The following CADM2 variants were observed in gnomAD, a reference collection of about 807,000 sequenced individuals.
CADM2 encodes cell adhesion molecule 2, also known as immunoglobulin superfamily member 4D.
In CADM2, 12 loss-of-function variants were observed where a neutral mutation model predicts 49.8. The observed-to-expected ratio is 0.24, with a 90% CI of 0.15 to 0.39. The LOEUF (loss-of-function observed/expected upper bound fraction) is 0.39. Ranked by LOEUF, CADM2 falls within the 10% of genes least tolerant of loss-of-function variation. The probability of loss-of-function intolerance (pLI) is 1.00; values close to 1 mark genes in which losing one functional copy is unlikely to be tolerated. For synonymous variants in CADM2, 214 were observed against 175.4 expected (o/e 1.22, Z -1.74); for missense variants, 378 against 492.3 (o/e 0.77, Z 2.20).
chr3:85,267,167 C>A (rs1333735477), intron 1 of CADM2, among the ~76,000 whole-genome samples: 1 of 151,626 alleles, frequency 6.6e-6, no homozygotes, highest in Non-Finnish European at 1.5e-5. Flanking sequence ...ACTCATTTCT[C>A]TACATAGTAG....
intron 1 of CADM2, among the ~76,000 whole-genome samples, chr3:85,021,637 T>C (rs750110024): frequency 8.6e-5 from 13 of 151,778 alleles, no homozygotes; most frequent in Non-Finnish European, 1.6e-4. Context: ...TAGCCAGGCG[T>C]GGTGGTGGGT....
rs917845688 is a variant in CADM2, at chr3:86,043,969, C to T, written c.971-21636C>T. Among the ~76,000 whole-genome samples, 3 of 151,954 alleles carry T rather than the reference C, an allele frequency of 2.0e-5. No homozygotes were observed. In the South Asian group the frequency reaches 6.2e-4, roughly 32 times the overall value. On this transcript the variant is annotated intron_variant, in intron 8 of 9. Coordinates refer to ENST00000383699, the MANE Select transcript of CADM2 (RefSeq NM_001167675.2). ...AAAACAAGAAATGGGGAAACGGTTCCCTATTTAATAAATGGTGCTGGGAAA... is the reference window on the plus strand; with the variant it reads ...AAAACAAGAAATGGGGAAACGGTTCTCTATTTAATAAATGGTGCTGGGAAA...
intron 2 of CADM2, among the ~76,000 whole-genome samples, chr3:85,785,624 C>A (rs1320424536): frequency 6.6e-6 from 1 of 151,976 alleles, no homozygotes; most frequent in African/African-American, 2.4e-5. Context: ...AGAATGTCAC[C>A]AGCTAGCAGA....
At chr3:85,008,197 C>A (rs1559613979) in intron 1 of CADM2, among the ~76,000 whole-genome samples, 1 of 152,076 alleles carries the variant, frequency 6.6e-6, no homozygotes, top group Non-Finnish European at 1.5e-5. Flanking sequence ...GAGAGGACCT[C>A]GTAATCTATT....
In CADM2 at chr3:86,068,852, C is replaced by A. The variant is rs1287409774; in HGVS notation, c.*2069C>A. 2 of 152,258 alleles carry A rather than the reference C, an allele frequency of 1.3e-5. No homozygotes were observed. Among genetic ancestry groups the A allele is most frequent in the East Asian group, 1.9e-4 (1 of 5,178 alleles). 9.4% of individuals were successfully genotyped at this position (152,258 alleles called of 1,614,324 possible). On this transcript the variant is annotated 3_prime_UTR_variant, in exon 10 of 10. Coordinates refer to ENST00000383699, the MANE Select transcript of CADM2 (RefSeq NM_001167675.2). ...GCTTGTTTTTACAGTTCACTCCATA[C>A]CATCTGTGGAAAAATGCAATAATAT... is the stretch of plus-strand genomic sequence containing the variant.
intron 1 of CADM2, among the ~76,000 whole-genome samples, chr3:85,022,360 C>A (rs997718307): frequency 6.6e-6 from 1 of 152,126 alleles, no homozygotes; most frequent in African/African-American, 2.4e-5. Flanking sequence ...ATAGAATATT[C>A]TTGATTTATG....
intron 1 of CADM2, among the ~76,000 whole-genome samples, chr3:85,200,411 G>T (rs562524907): frequency 1.3e-5 from 2 of 152,154 alleles, no homozygotes; most frequent in East Asian, 3.9e-4. Flanking sequence ...AACAGTTGGA[G>T]TTCTCAGTTT....
intron 1 of CADM2, among the ~76,000 whole-genome samples, chr3:85,452,564 C>T (rs893764193): frequency 6.6e-6 from 1 of 151,848 alleles, no homozygotes; most frequent in East Asian, 1.9e-4. Flanking sequence ...GCAATTAAAA[C>T]AACAACAACA....
chr3:85,365,823 G>A (rs2107298292), intron 1 of CADM2, among the ~76,000 whole-genome samples: 1 of 152,230 alleles, frequency 6.6e-6, no homozygotes, highest in South Asian at 2.1e-4. Flanking sequence ...TCAGGAAGAT[G>A]AACATTCCTA....
chr3:85,823,952 C>T (rs2073757740), intron 3 of CADM2, among the ~76,000 whole-genome samples: 1 of 151,938 alleles, frequency 6.6e-6, no homozygotes, highest in Non-Finnish European at 1.5e-5. Context: ...AGAGAAAAAA[C>T]AAAACAAAAC....
At chr3:85,476,979 T>C (rs2039002082) in intron 1 of CADM2, among the ~76,000 whole-genome samples, 1 of 140,970 alleles carries the variant, frequency 7.1e-6, no homozygotes, top group Non-Finnish European at 1.6e-5. Context: ...CATCTCTCTA[T>C]TGCAGCATTC....
At position 86,070,281 on chromosome 3, in the gene CADM2, G is replaced by A. The variant is rs1739743173; in HGVS notation, c.*3498G>A. The A allele has an allele frequency of 6.6e-6, 1 of 151,884 alleles. No homozygotes were observed. Among genetic ancestry groups the A allele is most frequent in the Non-Finnish European group, 1.5e-5 (1 of 67,870 alleles). 9.4% of individuals were successfully genotyped at this position (151,884 alleles called of 1,614,324 possible). ...AAAGTACAGGCTCATTTGTAATTAT[G>A]TACTCATGATTGTAACAGCATTGAG... On this transcript the variant is annotated 3_prime_UTR_variant, in exon 10 of 10. Transcript: ENST00000383699.
chr3:85,474,322 G>A (rs934105308), intron 1 of CADM2, among the ~76,000 whole-genome samples: 1 of 151,882 alleles, frequency 6.6e-6, no homozygotes, highest in Non-Finnish European at 1.5e-5. Flanking sequence ...TCTCTTGGCG[G>A]AAGTCCTTCT....
chr3:85,214,923 C>T (rs1026370726), intron 1 of CADM2, among the ~76,000 whole-genome samples: 4 of 152,018 alleles, frequency 2.6e-5, no homozygotes, highest in African/African-American at 9.7e-5. Flanking sequence ...ATTGGAGACT[C>T]CAGGAGGCTG....
intron 1 of CADM2, among the ~76,000 whole-genome samples, chr3:85,012,749 T>A (rs2034056910): frequency 1.3e-5 from 2 of 151,240 alleles, no homozygotes; most frequent in African/African-American, 4.8e-5. Flanking sequence ...AATTCAGTTA[T>A]AATTTATTTC....
Position 85,877,580 on chromosome 3 carries a change from A to G in CADM2, c.239-5711A>G, listed in dbSNP as rs1406351463. ...AAAGTTCACTCATTCAGTAGTTCAG[A>G]TCATTTTCCAGTGAACTGTCACTTA... On this transcript the variant is annotated intron_variant, in intron 3 of 9. Transcript: ENST00000383699. Among the ~76,000 whole-genome samples, 4 of 151,804 alleles carry G rather than the reference A, an allele frequency of 2.6e-5. No homozygotes were observed. The South Asian group carries it at 8.3e-4, about 31-fold the overall frequency.
At chr3:85,802,984 T>G (rs564979633) in intron 3 of CADM2, among the ~76,000 whole-genome samples, 95 of 152,074 alleles carry the variant, frequency 6.2e-4, no homozygotes, top group African/African-American at 2.3e-3. Flanking sequence ...TTCTTAAAAT[T>G]AACTATTAGT....
chr3:85,764,117 A>G (rs1371453545), intron 2 of CADM2, among the ~76,000 whole-genome samples: 2 of 152,126 alleles, frequency 1.3e-5, no homozygotes, highest in African/African-American at 2.4e-5. Flanking sequence ...CTTCCGCATT[A>G]TATTAAAAAA....
chr3:84,980,413 CAGAT>C lies in CADM2; in HGVS notation c.61+20749_61+20752del, dbSNP rs201754617. Reference sequence around the variant, plus strand: ...TTTATTATGAACAGCAAAATATTAACAGATAGAAGAGTTTTTCCACATGCGCATG... The same window carrying C: ...TTTATTATGAACAGCAAAATATTAACAGAAGAGTTTTTCCACATGCGCATG... On this transcript the variant is annotated intron_variant, in intron 1 of 9. Transcript: ENST00000383699. Among the ~76,000 whole-genome samples the C allele has an allele frequency of 8.5e-3, 1,290 of 152,246 alleles. 9 individuals are homozygous for C. The highest frequency in any genetic ancestry group is 0.014 in the Non-Finnish European group (959 of 68,004).
Sources: allele counts gnomAD v4.1 joint callset (sites outside exome capture counted in the v4.1 genomes callset), GRCh38; gene constraint gnomAD v4.1.1; transcripts MANE v1.5; gene names NCBI Gene and HGNC (gene_info 2026-07-23, HGNC 2026-07-21).